Variants in UBE2E2 observed in about 807,000 individuals in gnomAD.
UBE2E2 encodes the protein ubiquitin-conjugating enzyme E2 E2.
In UBE2E2, 6 loss-of-function variants were observed where a neutral mutation model predicts 24.7. That is an observed-to-expected ratio of 0.24 (90% confidence interval 0.13 to 0.48). UBE2E2 has a LOEUF of 0.48. Among genes scored for constraint, UBE2E2 ranks in the 20% least tolerant of loss-of-function variants. The pLI is 0.99. For synonymous variants in UBE2E2, 104 were observed against 83.6 expected (o/e 1.24, Z -1.33); for missense variants, 169 against 245.0 (o/e 0.69, Z 2.07).
At chr3:23,379,768 G>A (rs376020815) in intron 3 of UBE2E2, among the ~76,000 whole-genome samples, 4 of 152,114 alleles carry the variant, frequency 2.6e-5, no homozygotes, top group East Asian at 3.9e-4. Flanking sequence ...CTCTGAGGAG[G>A]TGACCTTTAC....
At chr3:23,397,318 G>A in intron 3 of UBE2E2, among the ~76,000 whole-genome samples, 1 of 152,218 alleles carries the variant, frequency 6.6e-6, no homozygotes. Flanking sequence ...TGACAAGATA[G>A]TGACTACAGA....
chr3:23,411,061 T>G (rs568287805), intron 3 of UBE2E2, among the ~76,000 whole-genome samples: 1 of 152,310 alleles, frequency 6.6e-6, no homozygotes, highest in East Asian at 1.9e-4. Flanking sequence ...TACTATAATG[T>G]GCTCTGGAAG....
intron 5 of UBE2E2, among the ~76,000 whole-genome samples, chr3:23,562,464 G>A (rs55894729): frequency 0.29 from 44,185 of 151,896 alleles, 6,885 homozygotes; most frequent in East Asian, 0.51. Flanking sequence ...TGCTGGATTC[G>A]GTTTGCCAGT....
chr3:23,246,446 AG>A (rs1213095750), intron 3 of UBE2E2, among the ~76,000 whole-genome samples: 1 of 138,898 alleles, frequency 7.2e-6, no homozygotes, highest in East Asian at 2.1e-4. Context: ...TATGTTGGCC[AG>A]GATGGTCTTG....
chr3:23,538,318 C>G (rs1169444092), intron 5 of UBE2E2, among the ~76,000 whole-genome samples: 1 of 152,124 alleles, frequency 6.6e-6, no homozygotes, highest in African/African-American at 2.4e-5. Flanking sequence ...AAAAGTCACT[C>G]TAATCAATAC....
At chr3:23,436,716 C>G (rs964067548) in intron 3 of UBE2E2, among the ~76,000 whole-genome samples, 5 of 152,148 alleles carry the variant, frequency 3.3e-5, no homozygotes, top group African/African-American at 1.2e-4. Flanking sequence ...CATGTTCCAT[C>G]TTATTTTTAT....
At chr3:23,555,840 T>C (rs749733296) in intron 5 of UBE2E2, among the ~76,000 whole-genome samples, 19 of 152,086 alleles carry the variant, frequency 1.2e-4, no homozygotes, top group Non-Finnish European at 2.4e-4. Context: ...TATATAAAGA[T>C]AGCAAATAAA....
chr3:23,296,559 T>C (rs987591930), intron 3 of UBE2E2, among the ~76,000 whole-genome samples: 29 of 152,158 alleles, frequency 1.9e-4, no homozygotes, highest in Non-Finnish European at 3.8e-4. Flanking sequence ...ACATGCGGTG[T>C]TTGGTTTTTT....
At chr3:23,552,726 G>A (rs1695673142) in intron 5 of UBE2E2, among the ~76,000 whole-genome samples, 1 of 152,118 alleles carries the variant, frequency 6.6e-6, no homozygotes, top group African/African-American at 2.4e-5. Flanking sequence ...GCTGACCTCA[G>A]TTCTCCATCA....
intron 4 of UBE2E2, among the ~76,000 whole-genome samples, chr3:23,505,738 A>T (rs1032904285): frequency 6.6e-6 from 1 of 152,180 alleles, no homozygotes. Flanking sequence ...GTTTGTTGTT[A>T]TTTTTTATAA....
rs57708620 is a variant in UBE2E2 at position 23,291,849 on chromosome 3, A to ATTTTTTTTTTT, written c.227+74554_227+74564dup. On this transcript the variant is annotated intron_variant, in intron 3 of 5. Coordinates refer to ENST00000396703, the MANE Select transcript of UBE2E2 (RefSeq NM_152653.4). ...AGATGTGTGCCACCATGCCCGGCTA[A>ATTTTTTTTTTT]TTTTTTTTTTTTTTTTTTTTTTTTT... is the stretch of plus-strand genomic sequence containing the variant. Among the ~76,000 whole-genome samples, 55 of 64,034 alleles carry ATTTTTTTTTTT rather than the reference A, an allele frequency of 8.6e-4. 4 individuals are homozygous for ATTTTTTTTTTT. The highest frequency in any genetic ancestry group is 3.3e-3 in the African/African-American group (46 of 14,032). The allele number at this position is 64,034 out of a possible 152,430, so 42.0% of individuals were successfully genotyped here. A position where few individuals can be genotyped will look rare whatever the true frequency, so the allele number is the denominator to read the frequency against.
chr3:23,362,572 G>A (rs1259833784), intron 3 of UBE2E2, among the ~76,000 whole-genome samples: 1 of 152,246 alleles, frequency 6.6e-6, no homozygotes, highest in East Asian at 1.9e-4. Flanking sequence ...TCGGACAGAG[G>A]TCCTGGCTTG....
At chr3:23,282,647 G>T (rs1698515968) in intron 3 of UBE2E2, among the ~76,000 whole-genome samples, 1 of 151,994 alleles carries the variant, frequency 6.6e-6, no homozygotes, top group Non-Finnish European at 1.5e-5. Context: ...CGTCTTTCAG[G>T]ATACAAATTC....
chr3:23,556,845 A>G (rs1166470696), intron 5 of UBE2E2, among the ~76,000 whole-genome samples: 1 of 152,228 alleles, frequency 6.6e-6, no homozygotes, highest in African/African-American at 2.4e-5. Flanking sequence ...AATAGCACAC[A>G]TGGAATTGGT....
chr3:23,376,989 T>C (rs1408509361), intron 3 of UBE2E2, among the ~76,000 whole-genome samples: 2 of 152,160 alleles, frequency 1.3e-5, no homozygotes, highest in African/African-American at 4.8e-5. Flanking sequence ...CATAGCAAAC[T>C]ATGTAAGTGT....
At chr3:23,204,909 A>G (rs1300042375) in intron 1 of UBE2E2, 5 of 260,654 alleles carry the variant, frequency 1.9e-5, no homozygotes, top group Admixed American at 6.5e-5. Context: ...GCAGTTTTAT[A>G]CTAGTAGATA....
chr3:23,216,250 G>C (rs917587950), intron 2 of UBE2E2, among the ~76,000 whole-genome samples: 1 of 152,044 alleles, frequency 6.6e-6, no homozygotes, highest in Non-Finnish European at 1.5e-5. Flanking sequence ...CAGTTCCTTC[G>C]GGAAGTTGAT....
intron 5 of UBE2E2, among the ~76,000 whole-genome samples, chr3:23,552,133 A>C (rs561965372): frequency 6.6e-6 from 1 of 152,238 alleles, no homozygotes; most frequent in African/African-American, 2.4e-5. Flanking sequence ...TCTGCTTTTT[A>C]AGCCACCCAG....
At chr3:23,431,225 A>G (rs929408173) in intron 3 of UBE2E2, among the ~76,000 whole-genome samples, 1 of 152,194 alleles carries the variant, frequency 6.6e-6, no homozygotes, top group Non-Finnish European at 1.5e-5. Context: ...CCACTTTGCT[A>G]TTTTGAGCCT....
Sources: allele counts gnomAD v4.1 joint callset (sites outside exome capture counted in the v4.1 genomes callset), GRCh38; gene constraint gnomAD v4.1.1; transcripts MANE v1.5; gene names NCBI Gene and HGNC (gene_info 2026-07-23, HGNC 2026-07-21).